Variants in AHCYL2 observed in about 807,000 individuals in gnomAD.
AHCYL2 encodes the protein S-adenosylhomocysteine hydrolase-like protein 2.
Under a neutral mutation model 81.4 loss-of-function variants are expected in AHCYL2, and 28 were observed. The observed-to-expected ratio is 0.34, with a 90% CI of 0.25 to 0.47. AHCYL2 has a LOEUF of 0.47. Ranked by LOEUF, AHCYL2 falls within the 20% of genes least tolerant of loss-of-function variation. AHCYL2 has a pLI of 1.00. For synonymous variants in AHCYL2, 272 were observed against 290.2 expected (o/e 0.94, Z 0.64); for missense variants, 551 against 785.1 (o/e 0.70, Z 3.56).
chr7:129,410,254 T>G (rs1217328047), intron 11 of AHCYL2: 2 of 1,613,948 alleles, frequency 1.2e-6, no homozygotes, highest in African/African-American at 2.7e-5. Flanking sequence ...CACTGCCTCC[T>G]ACAACTTCCA....
chr7:129,357,753 T>C (rs990468957), intron 1 of AHCYL2, among the ~76,000 whole-genome samples: 1 of 151,660 alleles, frequency 6.6e-6, no homozygotes, highest in Non-Finnish European at 1.5e-5. Flanking sequence ...GCTAACACGA[T>C]GAAACCGCAT....
At chr7:129,256,363 T>C (rs1314451493) in intron 1 of AHCYL2, among the ~76,000 whole-genome samples, 1 of 152,204 alleles carries the variant, frequency 6.6e-6, no homozygotes, top group Non-Finnish European at 1.5e-5. Context: ...GTAACTAGAA[T>C]AGTTTCTTAT....
At chr7:129,274,206 T>C (rs1372891345) in intron 1 of AHCYL2, among the ~76,000 whole-genome samples, 2 of 152,218 alleles carry the variant, frequency 1.3e-5, no homozygotes, top group Non-Finnish European at 2.9e-5. Flanking sequence ...ATTGTGCTTA[T>C]CTTAAGTCAG....
intron 1 of AHCYL2, 99 bp downstream of exon 1, chr7:129,225,538 G>C: frequency 7.2e-7 from 1 of 1,396,144 alleles, no homozygotes; most frequent in Non-Finnish European, 9.2e-7. Flanking sequence ...CCTCCTTTCT[G>C]ATCGCAGGAC....
rs113396340 is a variant in AHCYL2 at position 129,312,083 on chromosome 7, G to A, written c.364-67555G>A. On this transcript the variant is annotated intron_variant, in intron 1 of 16. Transcript: ENST00000325006. The stretch of plus-strand genomic sequence containing the variant: ...AGCTCACTGTAGCCTCGACCTCTTG[G>A]GCTCAGGCAGTCCTCCCACCTCAGC... 7.3e-3 allele frequency among the ~76,000 whole-genome samples: 1,113 copies of A among 152,116 alleles called. 16 individuals carry two copies. Among genetic ancestry groups the A allele is most frequent in the African/African-American group, 0.022 (904 of 41,486 alleles).
intron 1 of AHCYL2, among the ~76,000 whole-genome samples, chr7:129,268,416 C>G (rs1026962999): frequency 6.6e-6 from 1 of 152,126 alleles, no homozygotes; most frequent in Admixed American, 6.5e-5. Context: ...GGCATGATCT[C>G]AGCTCACCAC....
At chr7:129,313,275 A>C (rs1260324852) in intron 1 of AHCYL2, among the ~76,000 whole-genome samples, 1 of 152,232 alleles carries the variant, frequency 6.6e-6, no homozygotes, top group Non-Finnish European at 1.5e-5. Context: ...AGAATAAGGG[A>C]TAAAATTGTC....
intron 1 of AHCYL2, among the ~76,000 whole-genome samples, chr7:129,265,941 A>G (rs535536337): frequency 6.6e-6 from 1 of 152,314 alleles, no homozygotes; most frequent in East Asian, 1.9e-4. Context: ...AGATATGCTA[A>G]TGTATTTGAT....
chr7:129,405,508 A>G (rs1796259066), intron 8 of AHCYL2: 1 of 350,620 alleles, frequency 2.9e-6, no homozygotes, highest in Admixed American at 4.5e-5. Flanking sequence ...CTTGCAAGAA[A>G]GGGGAAAAAA....
rs78484872 is a variant in AHCYL2 at position 129,291,019 on chromosome 7, A to T, written c.363+65580A>T. On this transcript the variant is annotated intron_variant, in intron 1 of 16. Coordinates refer to ENST00000325006, the MANE Select transcript of AHCYL2 (RefSeq NM_015328.4). ...TTGTTTCCACTATTGTTTCCAGTGG[A>T]TCTTTTAATTATATTTATTAAAATA... is the stretch of plus-strand genomic sequence containing the variant. 3.4e-3 allele frequency among the ~76,000 whole-genome samples: 516 copies of T among 151,992 alleles called. 1 individual carries two copies. The highest frequency in any genetic ancestry group is 0.012 in the African/African-American group (499 of 41,496).
In AHCYL2 at chr7:129,426,945, CTGCCTCCCTGT is replaced by C; in HGVS notation, c.1830-92_1830-82del. On this transcript the variant is annotated intron_variant, in intron 16 of 16. Coordinates refer to ENST00000325006, the MANE Select transcript of AHCYL2 (RefSeq NM_015328.4). This position sits in a 1 kb window ranked among gnomAD's most constrained non-coding sequence, Gnocchi z 4.3. ...GTCACTGTACACTCCAGAAAAGTCT[CTGCCTCCCTGT>C]TACACCTTTAGGCAGGCTCTTCATG... 7.6e-7 allele frequency: 1 copy of C among 1,324,068 alleles called. No individual in the cohort carries two copies. The highest frequency in any genetic ancestry group is 1.9e-5 in the Admixed American group (1 of 52,520). 82.0% of individuals were successfully genotyped at this position (1,324,068 alleles called of 1,614,324 possible).
intron 1 of AHCYL2, among the ~76,000 whole-genome samples, chr7:129,336,485 G>C (rs533032541): frequency 6.6e-6 from 1 of 152,144 alleles, no homozygotes; most frequent in African/African-American, 2.4e-5. Context: ...AATCCAGATA[G>C]TAATAACCCA....
chr7:129,330,417 T>C (rs1437952367), intron 1 of AHCYL2, among the ~76,000 whole-genome samples: 1 of 151,908 alleles, frequency 6.6e-6, no homozygotes, highest in Non-Finnish European at 1.5e-5. Flanking sequence ...TTCAAAAGAA[T>C]GATACAGATC....
chr7:129,394,310 C>G (rs544090906), intron 4 of AHCYL2, among the ~76,000 whole-genome samples: 2 of 151,730 alleles, frequency 1.3e-5, no homozygotes, highest in East Asian at 3.9e-4. Flanking sequence ...GTGCCTGGCT[C>G]AGTTCAGTAA....
chr7:129,390,114 G>A (rs1795396145), intron 4 of AHCYL2, among the ~76,000 whole-genome samples: 1 of 152,128 alleles, frequency 6.6e-6, no homozygotes, highest in South Asian at 2.1e-4. Flanking sequence ...CTATAATCAA[G>A]TTTAATTTAT....
At chr7:129,415,321 A>G (rs968636511) in intron 12 of AHCYL2, among the ~76,000 whole-genome samples, 2 of 152,222 alleles carry the variant, frequency 1.3e-5, no homozygotes, top group Non-Finnish European at 2.9e-5. Context: ...CTTCAGAGGA[A>G]GGGAAGGGGA....
Position 129,368,486 on chromosome 7 carries a change from G to A in AHCYL2, c.364-11152G>A, listed in dbSNP as rs1474750771. Reference sequence around the variant, plus strand: ...TTGCTTCAGGACATATCTTACCCAAGCCTGCACTATGGAGAAGTGGGACGG... The same window carrying A: ...TTGCTTCAGGACATATCTTACCCAAACCTGCACTATGGAGAAGTGGGACGG... On this transcript the variant is annotated intron_variant, in intron 1 of 16. Transcript: ENST00000325006. The surrounding 1 kb of genome is among the most constrained non-coding windows in gnomAD (Gnocchi z 4.4). 6.2e-7 allele frequency: 1 copy of A among 1,614,012 alleles called. No individual in the cohort carries two copies. Among genetic ancestry groups the A allele is most frequent in the African/African-American group, 1.3e-5 (1 of 75,034 alleles).
chr7:129,320,944 G>C (rs905248095), intron 1 of AHCYL2, among the ~76,000 whole-genome samples: 2 of 152,128 alleles, frequency 1.3e-5, no homozygotes, highest in African/African-American at 4.8e-5. Context: ...TTATTGCCAA[G>C]TAATGTTACA....
intron 13 of AHCYL2, 96 bp from the exon 14 acceptor site, chr7:129,424,778 G>C: frequency 2.3e-6 from 3 of 1,285,068 alleles, no homozygotes; most frequent in Non-Finnish European, 3.4e-6. Flanking sequence ...TAGTCAGGAA[G>C]TGTTTGGAAA....
Sources: allele counts gnomAD v4.1 joint callset (sites outside exome capture counted in the v4.1 genomes callset), GRCh38; gene constraint gnomAD v4.1.1; non-coding constraint Gnocchi (gnomAD v3.1); transcripts MANE v1.5; gene names NCBI Gene and HGNC (gene_info 2026-07-23, HGNC 2026-07-21).